The following PARD6G variants were observed in gnomAD, a reference collection of about 807,000 sequenced individuals.
PARD6G encodes the protein partitioning defective 6 homolog gamma.
A neutral mutation model predicts 10.7 loss-of-function variants in PARD6G; 7 were observed. That is an observed-to-expected ratio of 0.66 (90% CI 0.37 to 1.23). PARD6G has a LOEUF of 1.23. Among genes scored for constraint, PARD6G ranks in the 50% most tolerant of loss-of-function variants. The pLI is 0.02. For synonymous variants in PARD6G, 287 were observed against 269.4 expected, an observed-to-expected ratio of 1.07 and a Z score of -0.64; for missense variants, 548 against 571.8, an observed-to-expected ratio of 0.96 and a Z score of 0.42.
In PARD6G at chr18:80,247,412, G is replaced by T; in HGVS notation, c.-64C>A. On this transcript the variant is annotated 5_prime_UTR_variant, in exon 1 of 3. Coordinates refer to ENST00000353265, the MANE Select transcript of PARD6G (RefSeq NM_032510.4). The surrounding 1 kb of genome is among the most constrained non-coding windows in gnomAD (Gnocchi z 4.2). The stretch of plus-strand genomic sequence containing the variant: ...CTCAGGGGCCGCAGAAAGACTCCCG[G>T]GGGCGGCGCCCCCAGGCCCCGGCCC... The T allele has an allele frequency of 7.2e-7, 1 of 1,386,950 alleles. No individual in the cohort carries two copies. Among genetic ancestry groups the T allele is most frequent in the Non-Finnish European group, 9.7e-7 (1 of 1,031,912 alleles). The allele number at this position is 1,386,950 out of a possible 1,614,324, so 85.9% of individuals were successfully genotyped here. A position where few individuals can be genotyped will look rare whatever the true frequency, so the allele number is the denominator to read the frequency against.
intron 1 of PARD6G, among the ~76,000 whole-genome samples, chr18:80,243,203 G>T (rs1391398556): frequency 6.6e-6 from 1 of 152,000 alleles, no homozygotes; most frequent in African/African-American, 2.4e-5. Context: ...GAAAAAATTG[G>T]GGTTAACTTA....
intron 2 of PARD6G, chr18:80,162,232 A>G (rs1334919062): frequency 6.6e-6 from 1 of 152,212 alleles, no homozygotes; most frequent in Non-Finnish European, 1.5e-5. Flanking sequence ...ACCCACTGAC[A>G]CAGTAAGGTC....
In PARD6G at chr18:80,160,589, T is replaced by TGCC; in HGVS notation, c.310_312dup (p.Gly104dup). 1 of 1,449,904 alleles carries TGCC rather than the reference T, an allele frequency of 6.9e-7. No individual in the cohort carries two copies. The highest frequency in any genetic ancestry group is 1.5e-5 in the South Asian group (1 of 68,368). The allele number at this position is 1,449,904 out of a possible 1,614,324, so 89.8% of individuals were successfully genotyped here. A position where few individuals can be genotyped will look rare whatever the true frequency, so the allele number is the denominator to read the frequency against. ...CTGCACAGCGAGCCCGCGCCGAGGCTGCCACGCTCGGCCTCCTCTGCGGGA... is the reference window on the plus strand; with the variant it reads ...CTGCACAGCGAGCCCGCGCCGAGGCTGCCGCCACGCTCGGCCTCCTCTGCGGGA... On this transcript the variant is annotated inframe_insertion, in exon 3 of 3. Transcript: ENST00000353265.
At position 80,184,724 on chromosome 18, in the gene PARD6G, G is replaced by A. The variant is rs983793525; in HGVS notation, c.295+17986C>T. ...ATGCACCGTATGATTCCTTTCACGT[G>A]AAATTTCCAGAACAGGGAAATGCAG... On this transcript the variant is annotated intron_variant, in intron 2 of 2. Transcript: ENST00000353265. The surrounding 1 kb of genome is among the most constrained non-coding windows in gnomAD (Gnocchi z 4.5). The A allele has an allele frequency of 2.0e-5, 3 of 151,008 alleles. No homozygotes were observed. The highest frequency in any genetic ancestry group is 7.3e-5 in the African/African-American group (3 of 41,242). The allele number at this position is 151,008 out of a possible 1,614,324, so 9.4% of individuals were successfully genotyped here. A position where few individuals can be genotyped will look rare whatever the true frequency, so the allele number is the denominator to read the frequency against.
intron 1 of PARD6G, among the ~76,000 whole-genome samples, chr18:80,210,595 G>C (rs1477436582): frequency 6.6e-6 from 1 of 152,144 alleles, no homozygotes; most frequent in Non-Finnish European, 1.5e-5. Context: ...GGCATTTGCT[G>C]AACACAATCA....
rs544797711 is a variant in PARD6G at position 80,189,745 on chromosome 18, C to A, written c.295+12965G>T. 2.1e-4 allele frequency among the ~76,000 whole-genome samples: 32 copies of A among 152,232 alleles called. No homozygotes were observed. Among genetic ancestry groups the A allele is most frequent in the African/African-American group, 7.7e-4 (32 of 41,542 alleles). On this transcript the variant is annotated intron_variant, in intron 2 of 2. Transcript: ENST00000353265. The surrounding 1 kb of genome is among the most constrained non-coding windows in gnomAD (Gnocchi z 5.5). ...CTGTTCTTTCATCTCCCAGATGAGA[C>A]CCGACCTCTCCTTCCAGAGAGAAGG...
chr18:80,164,361 C>T (rs34352924), intron 2 of PARD6G, among the ~76,000 whole-genome samples: 33,004 of 152,172 alleles, frequency 0.22, 4,639 homozygotes, highest in African/African-American at 0.4. Context: ...CTCCCCTGCA[C>T]TCCAAACCCT....
At position 80,159,672 on chromosome 18, in the gene PARD6G, G is replaced by C. The variant is rs1223276022; in HGVS notation, c.*99C>G. On this transcript the variant is annotated 3_prime_UTR_variant, in exon 3 of 3. Coordinates refer to ENST00000353265, the MANE Select transcript of PARD6G (RefSeq NM_032510.4). ...AAACAAAGAGCAGCGTTGTTTTTGTGGTCACAAAAACAACAAAAAATGAGC... is the reference window on the plus strand; with the variant it reads ...AAACAAAGAGCAGCGTTGTTTTTGTCGTCACAAAAACAACAAAAAATGAGC... 13 of 1,311,292 alleles carry C rather than the reference G, an allele frequency of 9.9e-6. No homozygotes were observed. The highest frequency in any genetic ancestry group is 1.6e-5 in the African/African-American group (1 of 64,238). The allele number at this position is 1,311,292 out of a possible 1,614,324, so 81.2% of individuals were successfully genotyped here. A position where few individuals can be genotyped will look rare whatever the true frequency, so the allele number is the denominator to read the frequency against.
rs568858486 is a variant in PARD6G at position 80,192,552 on chromosome 18, G to C, written c.295+10158C>G. 6.6e-6 allele frequency among the ~76,000 whole-genome samples: 1 copy of C among 152,090 alleles called. No individual in the cohort carries two copies. Among genetic ancestry groups the C allele is most frequent in the South Asian group, 2.1e-4 (1 of 4,818 alleles). ...GCGGGAGCCCAGGGGATGGGGGAGA[G>C]CAGGTGCCACGGCGGGAGCCTGAAG... On this transcript the variant is annotated intron_variant, in intron 2 of 2. Coordinates refer to ENST00000353265, the MANE Select transcript of PARD6G (RefSeq NM_032510.4). The surrounding 1 kb of genome is among the most constrained non-coding windows in gnomAD (Gnocchi z 4.9).
chr18:80,176,612 G>C (rs995155477), intron 2 of PARD6G, among the ~76,000 whole-genome samples: 4 of 152,248 alleles, frequency 2.6e-5, no homozygotes, highest in South Asian at 4.2e-4. Flanking sequence ...GCTATGGAAG[G>C]GGGTGCAGGC....
Position 80,161,018 on chromosome 18 carries a change from C to T in PARD6G, c.296-412G>A, listed in dbSNP as rs763609766. On this transcript the variant is annotated intron_variant, in intron 2 of 2. Coordinates refer to ENST00000353265, the MANE Select transcript of PARD6G (RefSeq NM_032510.4). The surrounding 1 kb of genome is among the most constrained non-coding windows in gnomAD (Gnocchi z 4.6). ...TTCTCTCAACTGTAAGACGGAGGCT[C>T]GTTTTTTTCTAAGGTTAATTACAAC... is the stretch of plus-strand genomic sequence containing the variant. 2.6e-5 allele frequency among the ~76,000 whole-genome samples: 4 copies of T among 152,172 alleles called. No individual in the cohort carries two copies. The highest frequency in any genetic ancestry group is 4.4e-5 in the Non-Finnish European group (3 of 68,030).
Position 80,160,718 on chromosome 18 carries a change from G to T in PARD6G, c.296-112C>A, listed in dbSNP as rs1307136847. ...TCTGCGTGACGCCGAAGCACCCAGG[G>T]TGCACAGGAGCATTCCAGACCTGCA... is the stretch of plus-strand genomic sequence containing the variant. On this transcript the variant is annotated intron_variant, in intron 2 of 2. Coordinates refer to ENST00000353265, the MANE Select transcript of PARD6G (RefSeq NM_032510.4). The T allele has an allele frequency of 7.2e-6, 10 of 1,398,050 alleles. No homozygotes were observed. In the African/African-American group the frequency reaches 1.2e-4, roughly 17 times the overall value. The allele number at this position is 1,398,050 out of a possible 1,614,324, so 86.6% of individuals were successfully genotyped here.
chr18:80,192,562 C>T lies in PARD6G; in HGVS notation c.295+10148G>A, dbSNP rs1272533474. Among the ~76,000 whole-genome samples the T allele has an allele frequency of 2.0e-5, 3 of 152,066 alleles. No individual in the cohort carries two copies. Among genetic ancestry groups the T allele is most frequent in the East Asian group, 1.9e-4 (1 of 5,160 alleles). ...AGGGGATGGGGGAGAGCAGGTGCCA[C>T]GGCGGGAGCCTGAAGCTCCACAATT... On this transcript the variant is annotated intron_variant, in intron 2 of 2. Coordinates refer to ENST00000353265, the MANE Select transcript of PARD6G (RefSeq NM_032510.4). This position sits in a 1 kb window ranked among gnomAD's most constrained non-coding sequence, Gnocchi z 4.9.
intron 2 of PARD6G, chr18:80,197,541 A>G (rs1429321468): frequency 6.6e-6 from 1 of 152,220 alleles, no homozygotes; most frequent in Admixed American, 6.5e-5. Flanking sequence ...AGGAGTTCAG[A>G]GTGCTCTGTG....
chr18:80,241,258 G>A (rs1967486479), intron 1 of PARD6G, among the ~76,000 whole-genome samples: 1 of 152,120 alleles, frequency 6.6e-6, no homozygotes, highest in Non-Finnish European at 1.5e-5. Context: ...TCTTCCAGCA[G>A]CCACGGACAA....
rs1406916526 is a variant in PARD6G at position 80,158,321 on chromosome 18, T to C, written c.*1450A>G. The C allele has an allele frequency of 2.0e-5, 3 of 152,204 alleles. No individual in the cohort carries two copies. Among genetic ancestry groups the C allele is most frequent in the African/African-American group, 7.2e-5 (3 of 41,440 alleles). The allele number at this position is 152,204 out of a possible 1,614,324, so 9.4% of individuals were successfully genotyped here. ...ACAAAGATGAGAACTCACGTGCAAA[T>C]GACTGCATTCTCAAAGACATTGCTG... On this transcript the variant is annotated 3_prime_UTR_variant, in exon 3 of 3. Coordinates refer to ENST00000353265, the MANE Select transcript of PARD6G (RefSeq NM_032510.4).
rs1470173154 is a variant in PARD6G, at chr18:80,184,737, C to G, written c.295+17973G>C. On this transcript the variant is annotated intron_variant, in intron 2 of 2. Coordinates refer to ENST00000353265, the MANE Select transcript of PARD6G (RefSeq NM_032510.4). The surrounding 1 kb of genome is among the most constrained non-coding windows in gnomAD (Gnocchi z 4.5). ...TTCCTTTCACGTGAAATTTCCAGAA[C>G]AGGGAAATGCAGAGCGACAGAAAGC... The G allele has an allele frequency of 6.6e-6, 1 of 152,016 alleles. No homozygotes were observed. Among genetic ancestry groups the G allele is most frequent in the Non-Finnish European group, 1.5e-5 (1 of 68,040 alleles). 9.4% of individuals were successfully genotyped at this position (152,016 alleles called of 1,614,324 possible). A position where few individuals can be genotyped will look rare whatever the true frequency, so the allele number is the denominator to read the frequency against.
At position 80,183,919 on chromosome 18, in the gene PARD6G, A is replaced by G. The variant is rs909899978; in HGVS notation, c.295+18791T>C. 1 of 152,290 alleles carries G rather than the reference A, an allele frequency of 6.6e-6. No homozygotes were observed. Among genetic ancestry groups the G allele is most frequent in the African/African-American group, 2.4e-5 (1 of 41,468 alleles). The allele number at this position is 152,290 out of a possible 1,614,324, so 9.4% of individuals were successfully genotyped here. ...TGGACAGACACAACCCCGAATGCCA[A>G]TTCCAGTGTCCTGTGCAGTGATGAC... On this transcript the variant is annotated intron_variant, in intron 2 of 2. Coordinates refer to ENST00000353265, the MANE Select transcript of PARD6G (RefSeq NM_032510.4). The surrounding 1 kb of genome is among the most constrained non-coding windows in gnomAD (Gnocchi z 4.5).
intron 2 of PARD6G, among the ~76,000 whole-genome samples, chr18:80,165,458 T>C (rs781549543): frequency 9.9e-5 from 15 of 151,284 alleles, no homozygotes; most frequent in Non-Finnish European, 1.8e-4. Context: ...TGATTTCATA[T>C]TGTTCAAACA....
Sources: allele counts gnomAD v4.1 joint callset (sites outside exome capture counted in the v4.1 genomes callset), GRCh38; gene constraint gnomAD v4.1.1; non-coding constraint Gnocchi (gnomAD v3.1); transcripts MANE v1.5; gene names NCBI Gene and HGNC (gene_info 2026-07-23, HGNC 2026-07-21).